Variants in RBFOX1 observed in about 807,000 individuals in gnomAD.
RBFOX1 encodes RNA binding protein fox-1 homolog 1.
RBFOX1 carries 8 observed loss-of-function variants against 57.7 expected under a neutral mutation model. The ratio of observed to expected loss-of-function variants is 0.14; its 90% CI spans 0.08 to 0.25. The LOEUF is 0.25. Among genes scored for constraint, RBFOX1 ranks in the 10% least tolerant of loss-of-function variants. The probability of loss-of-function intolerance (pLI) is 1.00; values close to 1 mark genes in which losing one functional copy is unlikely to be tolerated. For synonymous variants in RBFOX1, 326 were observed against 222.4 expected (o/e 1.47, Z -4.15); for missense variants, 611 against 548.5 (o/e 1.11, Z -1.14).
chr16:6,852,566 G>A (rs2094128443), intron 3 of RBFOX1, among the ~76,000 whole-genome samples: 1 of 152,224 alleles, frequency 6.6e-6, no homozygotes, highest in South Asian at 2.1e-4. Context: ...GCAACTAGCT[G>A]TCCAGGAAAG....
intron 4 of RBFOX1, among the ~76,000 whole-genome samples, chr16:7,141,841 T>G (rs1382877836): frequency 6.6e-6 from 1 of 152,170 alleles, no homozygotes; most frequent in Non-Finnish European, 1.5e-5. Context: ...GACACCATGC[T>G]ACTGCTCTTG....
intron 3 of RBFOX1, among the ~76,000 whole-genome samples, chr16:6,708,958 T>A (rs2063266832): frequency 1.3e-5 from 2 of 151,372 alleles, no homozygotes; most frequent in South Asian, 4.2e-4. Flanking sequence ...TAGCGGTGGC[T>A]GGTTAATTTC....
At chr16:7,167,595 C>T (rs2079829667) in intron 4 of RBFOX1, among the ~76,000 whole-genome samples, 2 of 152,134 alleles carry the variant, frequency 1.3e-5, no homozygotes, top group South Asian at 4.2e-4. Flanking sequence ...CCAGAACTGA[C>T]AGAGAATACA....
intron 2 of RBFOX1, among the ~76,000 whole-genome samples, chr16:6,420,658 G>T (rs953916495): frequency 1.3e-5 from 2 of 152,122 alleles, no homozygotes; most frequent in African/African-American, 4.8e-5. Context: ...TAGTGTATTG[G>T]TGTTTGCTCA....
chr16:7,569,609 A>G (rs1291575336), intron 5 of RBFOX1, among the ~76,000 whole-genome samples: 3 of 152,200 alleles, frequency 2.0e-5, no homozygotes, highest in Non-Finnish European at 2.9e-5. Flanking sequence ...AAAGTATCCT[A>G]TTCAAGATTC....
intron 4 of RBFOX1, among the ~76,000 whole-genome samples, chr16:7,212,173 G>A (rs1428736555): frequency 6.6e-6 from 1 of 152,164 alleles, no homozygotes; most frequent in Non-Finnish European, 1.5e-5. Context: ...AGGACTGCTT[G>A]GGGCAGACTG....
intron 3 of RBFOX1, among the ~76,000 whole-genome samples, chr16:5,722,435 C>A (rs2051969445): frequency 6.6e-6 from 1 of 152,150 alleles, no homozygotes; most frequent in African/African-American, 2.4e-5. Flanking sequence ...CTGGGCTGTT[C>A]TGCACACATT....
chr16:6,864,668 C>G (rs927026360), intron 3 of RBFOX1, among the ~76,000 whole-genome samples: 3 of 151,530 alleles, frequency 2.0e-5, no homozygotes, highest in Non-Finnish European at 4.4e-5. Flanking sequence ...TGGAAAATTC[C>G]AAACTGGCTT....
At chr16:5,472,922 TC>T (rs2069187844) in intron 2 of RBFOX1, among the ~76,000 whole-genome samples, 1 of 152,118 alleles carries the variant, frequency 6.6e-6, no homozygotes, top group African/African-American at 2.4e-5. Flanking sequence ...CACATGGAAT[TC>T]CTGCTCAAAG....
chr16:5,937,681 TATGG>T (rs1340718734), intron 4 of RBFOX1, among the ~76,000 whole-genome samples: 12 of 149,798 alleles, frequency 8.0e-5, no homozygotes, highest in Non-Finnish European at 1.8e-4. Context: ...TATATAGTTA[TATGG>T]TTACATATTT....
At chr16:7,196,581 A>T (rs565415047) in intron 4 of RBFOX1, among the ~76,000 whole-genome samples, 1 of 152,318 alleles carries the variant, frequency 6.6e-6, no homozygotes, top group East Asian at 1.9e-4. Flanking sequence ...CTGAGCCATG[A>T]ATATTTTTAT....
chr16:6,052,838 T>TAATAATAA (rs1567340009), intron 1 of RBFOX1, among the ~76,000 whole-genome samples: 17 of 87,208 alleles, frequency 1.9e-4, no homozygotes, highest in African/African-American at 8.1e-4. Flanking sequence ...AATAATAATA[T>TAATAATAA]TAATGCCTAT....
intron 4 of RBFOX1, among the ~76,000 whole-genome samples, chr16:7,289,189 A>G (rs181412629): frequency 5.9e-5 from 9 of 152,324 alleles, no homozygotes; most frequent in Admixed American, 5.2e-4. Flanking sequence ...TGGGTATTAC[A>G]TTTGCTTCCT....
At chr16:7,319,317 A>T (rs1426459282) in intron 4 of RBFOX1, among the ~76,000 whole-genome samples, 4 of 152,324 alleles carry the variant, frequency 2.6e-5, no homozygotes, top group Admixed American at 2.0e-4. Context: ...TGGAATGCTG[A>T]CATGTTGAGT....
intron 2 of RBFOX1, among the ~76,000 whole-genome samples, chr16:5,504,195 G>C (rs551026523): frequency 3.3e-5 from 5 of 152,346 alleles, no homozygotes; most frequent in African/African-American, 1.2e-4. Flanking sequence ...GCCAAGAGCA[G>C]CAGCACCCCT....
intron 4 of RBFOX1, among the ~76,000 whole-genome samples, chr16:7,259,226 T>C (rs894608154): frequency 3.9e-5 from 6 of 152,206 alleles, no homozygotes; most frequent in Non-Finnish European, 7.3e-5. Flanking sequence ...TCTTTGATGC[T>C]ATACAATTAA....
At chr16:6,917,329 C>G (rs1037478299) in intron 3 of RBFOX1, among the ~76,000 whole-genome samples, 2 of 152,158 alleles carry the variant, frequency 1.3e-5, no homozygotes, top group African/African-American at 4.8e-5. Context: ...AGTGACTAAT[C>G]CCATCTGGTG....
At chr16:7,377,450 A>T (rs1178202146) in intron 4 of RBFOX1, among the ~76,000 whole-genome samples, 1 of 152,218 alleles carries the variant, frequency 6.6e-6, no homozygotes, top group Non-Finnish European at 1.5e-5. Flanking sequence ...CATCATTAAG[A>T]TATATTCAAT....
intron 1 of RBFOX1, among the ~76,000 whole-genome samples, chr16:6,165,344 C>G (rs200759842): frequency 3.3e-5 from 5 of 152,006 alleles, no homozygotes; most frequent in Non-Finnish European, 7.4e-5. Context: ...TTACCAGTGC[C>G]AAAACAACCG....
Sources: gnomAD v4.1 joint callset for allele counts (sites outside exome capture counted in the v4.1 genomes callset) on GRCh38, gnomAD v4.1.1 for gene constraint, MANE v1.5 for transcripts, NCBI Gene and HGNC (gene_info 2026-07-23, HGNC 2026-07-21) for gene names.